Variants in TMEM272 observed in about 807,000 individuals in gnomAD.
TMEM272 encodes the protein long intergenic non-protein coding RNA 282.
TMEM272 carries 8 observed loss-of-function variants against 3.7 expected under a neutral mutation model. The ratio of observed to expected loss-of-function variants is 2.17; its 90% CI spans 1.27 to 3.91. The LOEUF is 3.91. Among genes scored for constraint, TMEM272 ranks in the 30% most tolerant of loss-of-function variants. The probability of loss-of-function intolerance (pLI) is 0.00; values close to 1 mark genes in which losing one functional copy is unlikely to be tolerated. For missense variants in TMEM272, 166 were observed against 91.5 expected, an observed-to-expected ratio of 1.81 and a Z score of -3.32; for synonymous variants, 63 against 39.8, an observed-to-expected ratio of 1.58 and a Z score of -2.20.
the TMEM272 span, among the ~76,000 whole-genome samples, chr13:51,892,898 T>A: frequency 6.6e-6 from 1 of 152,228 alleles, no homozygotes; most frequent in Admixed American, 6.5e-5. Context: ...AACGTCCTTC[T>A]AACTAGCCTG....
chr13:51,933,890 G>C, the TMEM272 span: 1 of 152,004 alleles, frequency 6.6e-6, no homozygotes, highest in African/African-American at 2.4e-5. Flanking sequence ...TGAATCGCGA[G>C]AACCTACACC....
In TMEM272 at chr13:51,838,462, T is replaced by C. The variant is rs1217408763; in HGVS notation, c.58+11A>G. ...TACAAAACCAGGGCATTTCTCAGAG[T>C]TGTGACTCACCATTGCTGGCGATTT... On this transcript the variant is annotated intron_variant, in intron 2 of 4. Transcript: ENST00000629372. 1 of 702,948 alleles carries C rather than the reference T, an allele frequency of 1.4e-6. No homozygotes were observed. Among genetic ancestry groups the C allele is most frequent in the Admixed American group, 2.0e-5 (1 of 50,012 alleles). The allele number at this position is 702,948 out of a possible 1,614,324, so 43.5% of individuals were successfully genotyped here.
At chr13:51,842,948 C>T (rs760669959) in intron 1 of TMEM272, among the ~76,000 whole-genome samples, 2 of 152,164 alleles carry the variant, frequency 1.3e-5, no homozygotes, top group Non-Finnish European at 2.9e-5. Context: ...AATTAAAAAG[C>T]ATAAGCAACT....
chr13:51,841,303 G>A (rs1198823789), intron 1 of TMEM272, among the ~76,000 whole-genome samples: 2 of 152,210 alleles, frequency 1.3e-5, no homozygotes, highest in African/African-American at 4.8e-5. Flanking sequence ...ATCACAGAAG[G>A]GATAGAACAG....
chr13:51,846,650 C>T (rs2139597552), upstream of TMEM272, among the ~76,000 whole-genome samples: 1 of 152,286 alleles, frequency 6.6e-6, no homozygotes, highest in Non-Finnish European at 1.5e-5. Context: ...GCATTGTTAT[C>T]ATAGGAGATG....
chr13:51,845,756 A>T (rs981790472), upstream of TMEM272, among the ~76,000 whole-genome samples: 1 of 152,204 alleles, frequency 6.6e-6, no homozygotes, highest in African/African-American at 2.4e-5. Context: ...TCAGCTGCTG[A>T]TTTATAAGAA....
chr13:51,860,333 T>C, the TMEM272 span, among the ~76,000 whole-genome samples: 1 of 152,120 alleles, frequency 6.6e-6, no homozygotes, highest in South Asian at 2.1e-4. Context: ...AAAGAAACCA[T>C]TCCAAAAGAA....
chr13:51,823,631 CCTGA>C (rs765120357), intron 3 of TMEM272, among the ~76,000 whole-genome samples: 77 of 152,228 alleles, frequency 5.1e-4, no homozygotes, highest in Non-Finnish European at 9.8e-4. Context: ...GTTAAGTTAC[CCTGA>C]CTAACACATC....
chr13:51,865,707 T>C, the TMEM272 span: 3 of 1,613,846 alleles, frequency 1.9e-6, no homozygotes, highest in East Asian at 6.7e-5. Context: ...TTCTGGGAAA[T>C]GGAAAAGTCT....
At chr13:51,836,443 G>A in intron 2 of TMEM272, among the ~76,000 whole-genome samples, 1 of 152,188 alleles carries the variant, frequency 6.6e-6, no homozygotes, top group East Asian at 1.9e-4. Context: ...TTTCTAGGAT[G>A]TTGACATTTT....
chr13:51,900,024 CAAGAGTTA>C, the TMEM272 span, among the ~76,000 whole-genome samples: 1 of 152,068 alleles, frequency 6.6e-6, no homozygotes, highest in Non-Finnish European at 1.5e-5. Flanking sequence ...GTCTTACATG[CAAGAGTTA>C]AAACTATGGA....
the TMEM272 span, among the ~76,000 whole-genome samples, chr13:51,856,708 C>G: frequency 2.0e-5 from 3 of 152,094 alleles, no homozygotes; most frequent in African/African-American, 7.2e-5. Context: ...CTGGTCACAT[C>G]AAAATAAAGC....
At chr13:51,917,579 C>G in the TMEM272 span, among the ~76,000 whole-genome samples, 1 of 152,144 alleles carries the variant, frequency 6.6e-6, no homozygotes, top group Non-Finnish European at 1.5e-5. Context: ...CTACTGAGGA[C>G]AGGTGCTACC....
At chr13:51,829,124 CA>C (rs202005413) in intron 2 of TMEM272, among the ~76,000 whole-genome samples, 2,510 of 152,306 alleles carry the variant, frequency 0.016, 29 homozygotes, top group African/African-American at 0.038. Context: ...CCGATAAAAA[CA>C]AAATGTGTAT....
chr13:51,895,518 G>A, the TMEM272 span, among the ~76,000 whole-genome samples: 1 of 152,100 alleles, frequency 6.6e-6, no homozygotes, highest in Non-Finnish European at 1.5e-5. Flanking sequence ...GAACTCTGGT[G>A]GGAAGGTGCA....
At chr13:51,881,331 G>A in the TMEM272 span, among the ~76,000 whole-genome samples, 45 of 151,754 alleles carry the variant, frequency 3.0e-4, no homozygotes, top group African/African-American at 1.0e-3. Context: ...TGGATGGTGT[G>A]CCTTGAAAGT....
At chr13:51,843,187 T>C (rs924003381) in intron 1 of TMEM272, among the ~76,000 whole-genome samples, 2 of 152,366 alleles carry the variant, frequency 1.3e-5, no homozygotes, top group East Asian at 3.9e-4. Flanking sequence ...CCCAGTTGTA[T>C]GTTCCCCCTT....
chr13:51,891,666 C>A, the TMEM272 span, among the ~76,000 whole-genome samples: 1 of 152,170 alleles, frequency 6.6e-6, no homozygotes, highest in Admixed American at 6.5e-5. Context: ...GACATCTGCA[C>A]GAAGGATTCC....
chr13:51,885,927 G>A, the TMEM272 span, among the ~76,000 whole-genome samples: 2 of 152,082 alleles, frequency 1.3e-5, no homozygotes, highest in Non-Finnish European at 2.9e-5. Flanking sequence ...ATATAGCGAG[G>A]GCCATATACA....
Sources: gnomAD v4.1 joint callset for allele counts (sites outside exome capture counted in the v4.1 genomes callset) on GRCh38, gnomAD v4.1.1 for gene constraint, MANE v1.5 for transcripts, NCBI Gene and HGNC (gene_info 2026-07-23, HGNC 2026-07-21) for gene names.